The following CPZ variants were observed in gnomAD, a reference collection of about 807,000 sequenced individuals.
CPZ encodes the protein carboxypeptidase Z.
In CPZ, 103 loss-of-function variants were observed where a neutral mutation model predicts 61.8. The ratio of observed to expected loss-of-function variants is 1.67; its 90% CI spans 1.42 to 1.96. The LOEUF (loss-of-function observed/expected upper bound fraction) is 1.96, where lower values mean the gene tolerates loss of function less well. Among genes scored for constraint, CPZ ranks in the 30% most tolerant of loss-of-function variants. The pLI is 0.00. For missense variants in CPZ, 1,461 were observed against 914.9 expected, an observed-to-expected ratio of 1.60 and a Z score of -7.70; for synonymous variants, 551 against 373.7, an observed-to-expected ratio of 1.47 and a Z score of -5.47.
chr4:8,605,335 C>CATCCATCCATCCATCT (rs1169872196), intron 4 of CPZ, among the ~76,000 whole-genome samples: 4 of 148,880 alleles, frequency 2.7e-5, no homozygotes, highest in African/African-American at 5.2e-5. Flanking sequence ...TCCATCCATC[C>CATCCATCCATCCATCT]ATCCATCCAT....
intron 10 of CPZ, among the ~76,000 whole-genome samples, chr4:8,618,878 T>C (rs1488261223): frequency 6.6e-6 from 1 of 152,174 alleles, no homozygotes; most frequent in Non-Finnish European, 1.5e-5. Context: ...ATAGCTGGGG[T>C]GTCCAGCCCT....
rs535881557 is a variant in CPZ at position 8,613,582 on chromosome 4, C to A, written c.1364-777C>A. The stretch of plus-strand genomic sequence containing the variant: ...GGCTCTGCGGCTCAGGAGCCTTGAA[C>A]TTCAGAAGGGCGTGGGCTCCCTGTG... On this transcript the variant is annotated intron_variant, in intron 8 of 10. Transcript: ENST00000360986. Among the ~76,000 whole-genome samples the A allele has an allele frequency of 5.9e-5, 9 of 152,340 alleles. No homozygotes were observed. In the South Asian group the frequency reaches 1.9e-3, roughly 32 times the overall value.
intron 4 of CPZ, among the ~76,000 whole-genome samples, chr4:8,605,322 T>TCATCCATCAATCCATC (rs1553876713): frequency 6.7e-6 from 1 of 149,978 alleles, no homozygotes; most frequent in Non-Finnish European, 1.5e-5. Context: ...ATTCATTTAT[T>TCATCCATCAATCCATC]CATCCATCCA....
chr4:8,600,692 C>T (rs376952581), intron 2 of CPZ, among the ~76,000 whole-genome samples: 1 of 152,256 alleles, frequency 6.6e-6, no homozygotes, highest in African/African-American at 2.4e-5. Flanking sequence ...TGAGCCCCAA[C>T]TGACCCATTA....
At position 8,606,161 on chromosome 4, in the gene CPZ, C is replaced by T. The variant is rs546825512; in HGVS notation, c.882C>T (p.Asp294=). The T allele has an allele frequency of 4.9e-5, 79 of 1,614,054 alleles. No individual in the cohort carries two copies. In the South Asian group the frequency reaches 4.9e-4, roughly 10 times the overall value. The change falls in exon 5 of 11, where the codon GAC becomes GAT. Residue 294 remains aspartate, a synonymous_variant. Coordinates refer to ENST00000360986, the MANE Select transcript of CPZ (RefSeq NM_001014447.3). ...RIHLLPSMNP[D]GYEVAAAEGA... ...ACCTGCTGCCCTCCATGAACCCTGACGGCTATGAGGTGGCAGCTGCCGAGG... is the reference window on the plus strand; with the variant it reads ...ACCTGCTGCCCTCCATGAACCCTGATGGCTATGAGGTGGCAGCTGCCGAGG...
At chr4:8,615,993 T>C (rs1215753909) in intron 9 of CPZ, among the ~76,000 whole-genome samples, 1 of 152,234 alleles carries the variant, frequency 6.6e-6, no homozygotes, top group Non-Finnish European at 1.5e-5. Flanking sequence ...GCGCCAGGCC[T>C]GTGCACATTG....
chr4:8,600,935 C>T (rs1714526153), intron 2 of CPZ, 188 bp from the exon 3 acceptor site: 2 of 1,343,720 alleles, frequency 1.5e-6, no homozygotes, highest in African/African-American at 3.0e-5. Flanking sequence ...TGGTCTTAGG[C>T]TCCTCCTCTG....
At chr4:8,608,641 C>CGCGTGTGTGTGTGTATGCCT (rs1553877469) in intron 7 of CPZ, among the ~76,000 whole-genome samples, 1 of 151,418 alleles carries the variant, frequency 6.6e-6, no homozygotes, top group African/African-American at 2.4e-5. Flanking sequence ...TGTGAGTGCA[C>CGCGTGTGTGTGTGTATGCCT]GTGTGTGCGT....
chr4:8,617,294 CA>C (rs1405479731), intron 9 of CPZ, among the ~76,000 whole-genome samples: 1 of 152,152 alleles, frequency 6.6e-6, no homozygotes, highest in Non-Finnish European at 1.5e-5. Context: ...CACCCAGAAG[CA>C]AAGGTTTGTC....
intron 7 of CPZ, 43 bp from the exon 8 acceptor site, chr4:8,611,984 T>A (rs1325378077): frequency 6.2e-7 from 1 of 1,612,968 alleles, no homozygotes; most frequent in Non-Finnish European, 8.5e-7. Flanking sequence ...CAGGACGTCC[T>A]GCAGGGGACC....
intron 9 of CPZ, among the ~76,000 whole-genome samples, chr4:8,617,165 G>C (rs79267916): frequency 0.017 from 2,640 of 152,332 alleles, 87 homozygotes; most frequent in African/African-American, 0.059. Context: ...TTCTGCATCG[G>C]TCACGGCGGG....
At chr4:8,609,227 C>CTCAT (rs74196897) in intron 7 of CPZ, among the ~76,000 whole-genome samples, 123,364 of 150,376 alleles carry the variant, frequency 0.82, 50,833 homozygotes, top group East Asian at 0.95. Context: ...CACTTACTCA[C>CTCAT]TCATTGTCAC....
chr4:8,597,484 G>A (rs1008701248), intron 1 of CPZ: 10 of 152,200 alleles, frequency 6.6e-5, no homozygotes, highest in Non-Finnish European at 1.2e-4. Flanking sequence ...TGCCAGGGAG[G>A]GTGTCTGGAC....
At chr4:8,614,228 G>A (rs911970263) in intron 8 of CPZ, 131 bp from the exon 9 acceptor site, 59 of 1,279,984 alleles carry the variant, frequency 4.6e-5, no homozygotes, top group Non-Finnish European at 3.4e-5. Context: ...CTGACACCCC[G>A]ACGTCCCGGC....
chr4:8,607,120 A>T (rs1489094210), intron 6 of CPZ, 147 bp from the exon 7 acceptor site: 3 of 1,098,834 alleles, frequency 2.7e-6, no homozygotes, highest in Middle Eastern at 3.1e-4. Flanking sequence ...GGGCCCAGTG[A>T]TGGGGGCCGA....
chr4:8,616,053 G>C (rs537266542), intron 9 of CPZ, among the ~76,000 whole-genome samples: 2 of 152,190 alleles, frequency 1.3e-5, no homozygotes, highest in Non-Finnish European at 2.9e-5. Context: ...CTCGGATGTG[G>C]CTGGCATTGC....
chr4:8,593,284 G>A (rs549178580), intron 1 of CPZ, among the ~76,000 whole-genome samples: 50 of 152,252 alleles, frequency 3.3e-4, no homozygotes, highest in Non-Finnish European at 1.3e-4. Flanking sequence ...GCCATCTAAG[G>A]TCCCCGGGTC....
At position 8,599,445 on chromosome 4, in the gene CPZ, C is replaced by T. The variant is rs759674551; in HGVS notation, c.89-8C>T. The T allele has an allele frequency of 1.2e-5, 20 of 1,607,742 alleles. No homozygotes were observed. Among genetic ancestry groups the T allele is most frequent in the Non-Finnish European group, 1.7e-5 (20 of 1,176,382 alleles). ...AGGTCCCTAACAGTGCCATGTCTCT[C>T]TTTCCAGGTGAATGCCACAGGCCAC... is the stretch of plus-strand genomic sequence containing the variant. On this transcript the variant is annotated splice_region_variant and splice_polypyrimidine_tract_variant and intron_variant, in intron 1 of 10. Coordinates refer to ENST00000360986, the MANE Select transcript of CPZ (RefSeq NM_001014447.3).
chr4:8,601,792 GC>G (rs1714595493), intron 3 of CPZ, among the ~76,000 whole-genome samples: 1 of 152,144 alleles, frequency 6.6e-6, no homozygotes, highest in South Asian at 2.1e-4. Flanking sequence ...TGGGGGCAGT[GC>G]CCCCGCCCAG....
Sources: allele counts gnomAD v4.1 joint callset (sites outside exome capture counted in the v4.1 genomes callset), GRCh38; gene constraint gnomAD v4.1.1; transcripts MANE v1.5; gene names NCBI Gene and HGNC (gene_info 2026-07-23, HGNC 2026-07-21).